The following CCDC91 variants were observed in gnomAD, a reference collection of about 807,000 sequenced individuals.
The protein encoded by CCDC91 is coiled-coil domain-containing protein 91.
Under a neutral mutation model 63.2 loss-of-function variants are expected in CCDC91, and 48 were observed. That is an observed-to-expected ratio of 0.76 (90% CI 0.60 to 0.97). CCDC91 has a LOEUF of 0.97. Ranked by LOEUF, CCDC91 falls within the 50% of genes least tolerant of loss-of-function variation. The pLI is 0.00. For synonymous variants in CCDC91, 167 were observed against 165.8 expected (o/e 1.01, Z -0.06); for missense variants, 500 against 494.6 (o/e 1.01, Z -0.10).
intron 12 of CCDC91, among the ~76,000 whole-genome samples, chr12:28,520,777 G>A (rs1276930604): frequency 1.3e-5 from 2 of 152,138 alleles, no homozygotes; most frequent in African/African-American, 2.4e-5. Context: ...TCCAGTTTCA[G>A]CTTTCTACAT....
chr12:28,390,234 C>T (rs559901205), intron 7 of CCDC91, among the ~76,000 whole-genome samples: 17 of 151,920 alleles, frequency 1.1e-4, no homozygotes, highest in Non-Finnish European at 1.8e-4. Context: ...TATCCAGCAT[C>T]TTAATACATG....
intron 12 of CCDC91, among the ~76,000 whole-genome samples, chr12:28,512,030 G>A (rs1446810563): frequency 6.6e-5 from 10 of 151,712 alleles, no homozygotes; most frequent in South Asian, 2.1e-4. Flanking sequence ...TGGATTTTGG[G>A]ACTTACCATC....
intron 4 of CCDC91, 47 bp from the exon 5 acceptor site, chr12:28,306,695 A>G (rs1324672814): frequency 2.3e-6 from 3 of 1,298,998 alleles, no homozygotes; most frequent in Non-Finnish European, 3.3e-6. Context: ...TTATTGGTAT[A>G]GTGTAAACTT....
chr12:28,506,903 A>G (rs1020543495), intron 12 of CCDC91, among the ~76,000 whole-genome samples: 8 of 151,856 alleles, frequency 5.3e-5, no homozygotes, highest in African/African-American at 1.7e-4. Context: ...AAAACATGGT[A>G]TGTAGATAGA....
At chr12:28,474,775 A>T (rs909018251) in intron 11 of CCDC91, among the ~76,000 whole-genome samples, 3 of 150,594 alleles carry the variant, frequency 2.0e-5, no homozygotes, top group Admixed American at 1.3e-4. Context: ...ATGAAAAAGA[A>T]AAAAAAAAGA....
At chr12:28,248,465 T>C (rs189058435) in intron 1 of CCDC91, among the ~76,000 whole-genome samples, 108 of 152,262 alleles carry the variant, frequency 7.1e-4, no homozygotes, top group African/African-American at 1.9e-3. Context: ...TGGAGCCCTT[T>C]GGAGCACCAA....
intron 6 of CCDC91, among the ~76,000 whole-genome samples, chr12:28,344,658 T>C (rs976916605): frequency 2.0e-5 from 3 of 152,214 alleles, no homozygotes; most frequent in African/African-American, 7.2e-5. Context: ...TGCAAGGCAC[T>C]ATGCTATCTA....
intron 6 of CCDC91, among the ~76,000 whole-genome samples, chr12:28,321,979 G>A (rs1242249253): frequency 6.6e-6 from 1 of 151,556 alleles, no homozygotes; most frequent in Non-Finnish European, 1.5e-5. Context: ...TACATGTAGT[G>A]ATGTAATACA....
At chr12:28,465,909 T>G (rs1375497445) in intron 11 of CCDC91, among the ~76,000 whole-genome samples, 1 of 151,996 alleles carries the variant, frequency 6.6e-6, no homozygotes. Flanking sequence ...TTGAGGAAAC[T>G]CAAATTCAAG....
intron 1 of CCDC91, among the ~76,000 whole-genome samples, chr12:28,192,567 G>A (rs1368621930): frequency 6.6e-6 from 1 of 152,012 alleles, no homozygotes; most frequent in Non-Finnish European, 1.5e-5. Flanking sequence ...TCTCTCTTTG[G>A]ATTAACTCTT....
At chr12:28,496,562 A>C (rs1952295382) in intron 12 of CCDC91, among the ~76,000 whole-genome samples, 1 of 151,632 alleles carries the variant, frequency 6.6e-6, no homozygotes. Flanking sequence ...AAGTCTCCCA[A>C]GTTGCTGTGG....
At chr12:28,321,901 C>T (rs150380225) in intron 6 of CCDC91, among the ~76,000 whole-genome samples, 577 of 151,500 alleles carry the variant, frequency 3.8e-3, no homozygotes, top group African/African-American at 0.013. Flanking sequence ...CATCACTATA[C>T]GTATATCATT....
chr12:28,522,903 G>C (rs1174762313), intron 12 of CCDC91, among the ~76,000 whole-genome samples: 5 of 151,980 alleles, frequency 3.3e-5, no homozygotes, highest in Admixed American at 1.3e-4. Flanking sequence ...TTTCTTAATC[G>C]TGAGTTCTAG....
At chr12:28,464,852 C>T (rs775981197) in intron 11 of CCDC91, among the ~76,000 whole-genome samples, 3 of 152,062 alleles carry the variant, frequency 2.0e-5, no homozygotes. Flanking sequence ...GATACTAGCT[C>T]GGTCTCAGTG....
At chr12:28,481,678 A>C (rs1350633639) in intron 11 of CCDC91, among the ~76,000 whole-genome samples, 1 of 152,024 alleles carries the variant, frequency 6.6e-6, no homozygotes, top group African/African-American at 2.4e-5. Flanking sequence ...TTACTTTTAT[A>C]TAACATTCAA....
chr12:28,282,500 C>T (rs1298465651), intron 3 of CCDC91, among the ~76,000 whole-genome samples: 3 of 152,016 alleles, frequency 2.0e-5, no homozygotes, highest in African/African-American at 4.8e-5. Context: ...TTTCTTTATG[C>T]ACTTGTTGGT....
intron 12 of CCDC91, among the ~76,000 whole-genome samples, chr12:28,491,958 T>A (rs1952032907): frequency 7.0e-6 from 1 of 142,704 alleles, no homozygotes; most frequent in South Asian, 2.2e-4. Context: ...TATGAAGGTG[T>A]TGGGGTGTGT....
At chr12:28,260,273 A>G (rs7972954) in intron 3 of CCDC91, among the ~76,000 whole-genome samples, 63,608 of 151,700 alleles carry the variant, frequency 0.42, 13,603 homozygotes, top group Middle Eastern at 0.51. Flanking sequence ...GTCAAGTAGT[A>G]ACCTGGCAGC....
At chr12:28,337,068 G>A (rs571620129) in intron 6 of CCDC91, among the ~76,000 whole-genome samples, 48 of 152,088 alleles carry the variant, frequency 3.2e-4, no homozygotes, top group African/African-American at 1.1e-3. Flanking sequence ...GTTACTAAGC[G>A]TTAGTAAAGC....
Sources: gnomAD v4.1 joint callset for allele counts (sites outside exome capture counted in the v4.1 genomes callset) on GRCh38, gnomAD v4.1.1 for gene constraint, MANE v1.5 for transcripts, NCBI Gene and HGNC (gene_info 2026-07-23, HGNC 2026-07-21) for gene names.